WNT7B: variants seen among roughly 807,000 people sequenced by gnomAD.
WNT7B encodes protein Wnt-7b.
A neutral mutation model predicts 38.2 loss-of-function variants in WNT7B; 19 were observed. The observed-to-expected ratio is 0.50, with a 90% CI of 0.35 to 0.73. The LOEUF (loss-of-function observed/expected upper bound fraction) is 0.73. Among genes scored for constraint, WNT7B ranks in the 30% least tolerant of loss-of-function variants. The pLI, the probability that WNT7B is intolerant of heterozygous loss-of-function variation, is 0.01. For synonymous variants in WNT7B, 243 were observed against 209.3 expected, an observed-to-expected ratio of 1.16 and a Z score of -1.39; for missense variants, 423 against 507.9, an observed-to-expected ratio of 0.83 and a Z score of 1.61.
chr22:45,944,227 A>G lies in WNT7B; in HGVS notation c.298+5693T>C, dbSNP rs1569117498. ...AGGGCTCCGCTGGGGAGGATGGAAA[A>G]TTCCCAACTTGCATGAGTTCCAGGT... is the stretch of plus-strand genomic sequence containing the variant. On this transcript the variant is annotated intron_variant, in intron 2 of 3. Coordinates refer to ENST00000339464, the MANE Select transcript of WNT7B (RefSeq NM_058238.3). 2.6e-5 allele frequency among the ~76,000 whole-genome samples: 4 copies of G among 152,164 alleles called. No homozygotes were observed. In the South Asian group the frequency reaches 6.2e-4, roughly 24 times the overall value.
intron 1 of WNT7B, among the ~76,000 whole-genome samples, chr22:45,969,139 C>T (rs906492556): frequency 5.9e-5 from 9 of 152,230 alleles, no homozygotes; most frequent in African/African-American, 1.7e-4. Context: ...GTGGCTGGCA[C>T]CGCTGACAAA....
chr22:45,942,586 C>T (rs546902473), intron 2 of WNT7B, among the ~76,000 whole-genome samples: 5 of 152,354 alleles, frequency 3.3e-5, no homozygotes, highest in South Asian at 4.1e-4. Context: ...CTGACCTGGA[C>T]CAGCCGGGGC....
chr22:45,958,169 G>A (rs938078512), intron 1 of WNT7B, among the ~76,000 whole-genome samples: 3 of 152,338 alleles, frequency 2.0e-5, no homozygotes, highest in Middle Eastern at 3.4e-3. Context: ...GCAGTGATGC[G>A]GAGGCCAGGA....
intron 2 of WNT7B, among the ~76,000 whole-genome samples, chr22:45,934,477 G>A (rs970283323): frequency 1.3e-5 from 2 of 152,164 alleles, no homozygotes; most frequent in African/African-American, 2.4e-5. Context: ...CCAAATGATT[G>A]TGCGGGCCCA....
At chr22:45,943,008 G>T (rs374200417) in intron 2 of WNT7B, among the ~76,000 whole-genome samples, 1 of 151,310 alleles carries the variant, frequency 6.6e-6, no homozygotes, top group South Asian at 2.1e-4. Context: ...GCGTGTATGT[G>T]TGCAGTGTGC....
In WNT7B at chr22:45,937,318, T is replaced by C. The variant is rs534736955; in HGVS notation, c.299-5949A>G. 1.1e-4 allele frequency among the ~76,000 whole-genome samples: 17 copies of C among 152,210 alleles called. No homozygotes were observed. The South Asian group carries it at 3.5e-3, about 32-fold the overall frequency. On this transcript the variant is annotated intron_variant, in intron 2 of 3. Coordinates refer to ENST00000339464, the MANE Select transcript of WNT7B (RefSeq NM_058238.3). ...CTGGAAGCAAGGGGGAGGCTCAGAG[T>C]CTGACACCCTGCCTTCAAGTCCAGA...
chr22:45,926,847 G>T (rs1931099890), intron 3 of WNT7B: 1 of 985,306 alleles, frequency 1.0e-6, no homozygotes, highest in African/African-American at 1.7e-5. Context: ...AGTGTGGAGG[G>T]TGTGCCCCTC....
chr22:45,941,073 A>T (rs1931634043), intron 2 of WNT7B, among the ~76,000 whole-genome samples: 2 of 152,164 alleles, frequency 1.3e-5, no homozygotes, highest in South Asian at 4.1e-4. Context: ...CACCCCACCC[A>T]CCGGGAGGCC....
rs1015808615 is a variant in WNT7B, at chr22:45,926,388, T to G, written c.571-3053A>C. The G allele has an allele frequency of 1.7e-5, 17 of 985,174 alleles. No homozygotes were observed. In the African/African-American group the frequency reaches 2.8e-4, roughly 16 times the overall value. The allele number at this position is 985,174 out of a possible 1,614,324, so 61.0% of individuals were successfully genotyped here. ...TTCCTCCTCGACGCTGGGGGCCTGG[T>G]TGGGCAGGGGGGTGGTGGACTGAGG... On this transcript the variant is annotated intron_variant, in intron 3 of 3. Coordinates refer to ENST00000339464, the MANE Select transcript of WNT7B (RefSeq NM_058238.3).
chr22:45,923,618 T>C (rs1274214533), intron 3 of WNT7B, among the ~76,000 whole-genome samples: 1 of 152,170 alleles, frequency 6.6e-6, no homozygotes, highest in Non-Finnish European at 1.5e-5. Context: ...TGTTAGACTC[T>C]CACAGCCCTT....
chr22:45,942,970 TGC>T lies in WNT7B; in HGVS notation c.298+6948_298+6949del, dbSNP rs1491183240. Among the ~76,000 whole-genome samples the T allele has an allele frequency of 1.3e-3, 190 of 149,786 alleles. 2 individuals carry two copies. Among genetic ancestry groups the T allele is most frequent in the African/African-American group, 4.5e-3 (178 of 39,602 alleles). ...TATGTGTGCAGTGTGCATGTGTGTG[TGC>T]GTGTGTGCAGTGTGCATGTGTGTAG... On this transcript the variant is annotated intron_variant, in intron 2 of 3. Transcript: ENST00000339464.
At chr22:45,947,766 GT>G (rs1931831996) in intron 2 of WNT7B, among the ~76,000 whole-genome samples, 1 of 152,188 alleles carries the variant, frequency 6.6e-6, no homozygotes, top group South Asian at 2.1e-4. Flanking sequence ...GGTGAGGATG[GT>G]GGGTGTGGAC....
chr22:45,942,872 CGT>C (rs1569116762), intron 2 of WNT7B, among the ~76,000 whole-genome samples: 2 of 134,056 alleles, frequency 1.5e-5, no homozygotes, highest in African/African-American at 5.0e-5. Flanking sequence ...TGTGTGTGTG[CGT>C]GTGTGCATGT....
intron 2 of WNT7B, among the ~76,000 whole-genome samples, chr22:45,932,947 G>GCAAGT (rs1204818272): frequency 6.6e-6 from 1 of 152,258 alleles, no homozygotes; most frequent in Non-Finnish European, 1.5e-5. Flanking sequence ...AGATAGAGAG[G>GCAAGT]CAAGTCAGGT....
At chr22:45,950,201 CA>C in intron 1 of WNT7B, 55 bp from the exon 2 acceptor site, 1 of 1,437,192 alleles carries the variant, frequency 7.0e-7, no homozygotes, top group Non-Finnish European at 9.6e-7. Flanking sequence ...CGCCCCTCCT[CA>C]CCCCCAACAC....
intron 1 of WNT7B, among the ~76,000 whole-genome samples, chr22:45,969,323 C>T (rs530303914): frequency 2.6e-5 from 4 of 152,218 alleles, no homozygotes; most frequent in Admixed American, 2.0e-4. Flanking sequence ...CTGGGGGGGT[C>T]GTCAGAGCCA....
rs1932324134 is a variant in WNT7B at position 45,966,928 on chromosome 22, A to C, written c.71+9756T>G. Among the ~76,000 whole-genome samples, 1 of 143,108 alleles carries C rather than the reference A, an allele frequency of 7.0e-6. No homozygotes were observed. Among genetic ancestry groups the C allele is most frequent in the African/African-American group, 2.5e-5 (1 of 40,586 alleles). The allele number at this position is 143,108 out of a possible 152,430, so 93.9% of individuals were successfully genotyped here. ...CAGCATCCCCGGCCCTCACTCCTGC[A>C]TCTGCTTGTATGCCTCCGGGGCTGG... On this transcript the variant is annotated intron_variant, in intron 1 of 3. Coordinates refer to ENST00000339464, the MANE Select transcript of WNT7B (RefSeq NM_058238.3). The surrounding 1 kb of genome is among the most constrained non-coding windows in gnomAD (Gnocchi z 4.2).
rs1238604039 is a variant in WNT7B at position 45,936,135 on chromosome 22, G to T, written c.299-4766C>A. The T allele has an allele frequency of 9.1e-6, 9 of 985,316 alleles. No individual in the cohort carries two copies. The East Asian group carries it at 6.8e-4, about 74-fold the overall frequency. The allele number at this position is 985,316 out of a possible 1,614,324, so 61.0% of individuals were successfully genotyped here. Reference sequence around the variant, plus strand: ...GGGTTTCTGAGTAATGGTCCTGAAGGTTCCAGCCCTGCGGCAGGATTCACT... The same window carrying T: ...GGGTTTCTGAGTAATGGTCCTGAAGTTTCCAGCCCTGCGGCAGGATTCACT... On this transcript the variant is annotated intron_variant, in intron 2 of 3. Coordinates refer to ENST00000339464, the MANE Select transcript of WNT7B (RefSeq NM_058238.3).
chr22:45,956,631 A>G (rs571149139), intron 1 of WNT7B, among the ~76,000 whole-genome samples: 1 of 152,376 alleles, frequency 6.6e-6, no homozygotes, highest in Admixed American at 6.5e-5. Context: ...ATGGGTCTAT[A>G]GCACAAATGG....
Sources: gnomAD v4.1 joint callset for allele counts (sites outside exome capture counted in the v4.1 genomes callset) on GRCh38, gnomAD v4.1.1 for gene constraint, Gnocchi (gnomAD v3.1) non-coding constraint, MANE v1.5 for transcripts, NCBI Gene and HGNC (gene_info 2026-07-23, HGNC 2026-07-21) for gene names.